OCA2: variants seen among roughly 807,000 people sequenced by gnomAD.
OCA2 encodes OCA2 melanosomal transmembrane protein.
Under a neutral mutation model 100.2 loss-of-function variants are expected in OCA2, and 77 were observed. That is an observed-to-expected ratio of 0.77 (90% CI 0.64 to 0.93). The LOEUF is 0.93. OCA2 is among the 40% of genes least tolerant of loss of function. The pLI is 0.00. For missense variants in OCA2, 1,062 were observed against 1,089.1 expected (o/e 0.98, Z 0.35); for synonymous variants, 432 against 439.2 (o/e 0.98, Z 0.21).
intron 11 of OCA2, among the ~76,000 whole-genome samples, chr15:27,988,895 G>A (rs895630440): frequency 6.6e-6 from 1 of 152,244 alleles, no homozygotes; most frequent in Non-Finnish European, 1.5e-5. Flanking sequence ...TGGGCCCTCC[G>A]TTATGTCAGC....
At chr15:27,898,194 A>G (rs974554688) in intron 19 of OCA2, among the ~76,000 whole-genome samples, 1 of 152,094 alleles carries the variant, frequency 6.6e-6, no homozygotes, top group African/African-American at 2.4e-5. Flanking sequence ...GACTTTGGGG[A>G]ACTGTTGAAG....
At chr15:28,007,405 C>T (rs1263414255) in intron 9 of OCA2, among the ~76,000 whole-genome samples, 1 of 152,236 alleles carries the variant, frequency 6.6e-6, no homozygotes, top group African/African-American at 2.4e-5. Context: ...ATTGCTCCAA[C>T]TGTGTTCTTT....
chr15:27,775,429 T>A, intron 23 of OCA2, among the ~76,000 whole-genome samples: 1 of 152,342 alleles, frequency 6.6e-6, no homozygotes, highest in Admixed American at 6.5e-5. Flanking sequence ...TTAAAATCTA[T>A]GAAAGCAGAT....
At chr15:28,029,470 G>A (rs2042851383) in intron 3 of OCA2, among the ~76,000 whole-genome samples, 1 of 151,956 alleles carries the variant, frequency 6.6e-6, no homozygotes. Flanking sequence ...TTGCCTTCTA[G>A]AGCAGTGCTG....
chr15:27,893,786 G>A (rs746507450), intron 19 of OCA2, among the ~76,000 whole-genome samples: 2 of 152,100 alleles, frequency 1.3e-5, no homozygotes, highest in East Asian at 1.9e-4. Context: ...AAGACAATAC[G>A]TGCACCGCTG....
At chr15:27,891,510 T>C (rs2037461124) in intron 19 of OCA2, among the ~76,000 whole-genome samples, 1 of 152,170 alleles carries the variant, frequency 6.6e-6, no homozygotes, top group African/African-American at 2.4e-5. Context: ...GTCCCTTATT[T>C]AAAGGGGCAT....
chr15:28,096,802 G>A (rs1299755272), intron 1 of OCA2, among the ~76,000 whole-genome samples: 1 of 152,232 alleles, frequency 6.6e-6, no homozygotes, highest in African/African-American at 2.4e-5. Context: ...GGCCTCGGGA[G>A]GCCGCGGGTG....
the OCA2 span, among the ~76,000 whole-genome samples, chr15:27,747,028 T>C: frequency 6.6e-6 from 1 of 152,178 alleles, no homozygotes. Context: ...CCAAAACTTA[T>C]CACTCCTAAA....
chr15:27,990,705 G>A (rs534596616), intron 9 of OCA2, 58 bp from the exon 10 acceptor site: 17 of 1,457,870 alleles, frequency 1.2e-5, no homozygotes, highest in East Asian at 1.1e-4. Context: ...TAGCACACAC[G>A]AAAGCCTGTG....
At chr15:28,040,967 A>G (rs1769921871) in intron 2 of OCA2, among the ~76,000 whole-genome samples, 1 of 152,160 alleles carries the variant, frequency 6.6e-6, no homozygotes, top group African/African-American at 2.4e-5. Context: ...AAGGAGGGCA[A>G]ACTCATTCTG....
chr15:28,053,162 G>A (rs556960703), intron 2 of OCA2, among the ~76,000 whole-genome samples: 4 of 152,334 alleles, frequency 2.6e-5, no homozygotes, highest in Admixed American at 6.5e-5. Flanking sequence ...AATCACCAAA[G>A]AGTTGGTTGG....
chr15:28,086,141 G>T (rs1426659207), intron 1 of OCA2, among the ~76,000 whole-genome samples: 1 of 152,214 alleles, frequency 6.6e-6, no homozygotes, highest in Non-Finnish European at 1.5e-5. Context: ...CTTAAGTGGG[G>T]ACCACCATGT....
chr15:27,827,790 A>AG (rs1166365344), intron 23 of OCA2, among the ~76,000 whole-genome samples: 8 of 152,222 alleles, frequency 5.3e-5, no homozygotes. Flanking sequence ...TGTTTTAATC[A>AG]GGAAGAAAGT....
At chr15:27,972,861 T>TTTGTGACAGAGTCTCTCTTTC (rs2040843228) in intron 14 of OCA2, among the ~76,000 whole-genome samples, 1 of 54,568 alleles carries the variant, frequency 1.8e-5, no homozygotes, top group African/African-American at 3.9e-5. Flanking sequence ...TTATTTTATT[T>TTTGTGACAGAGTCTCTCTTTC]TATTTTATTT....
chr15:27,860,152 G>A (rs1167832238), intron 21 of OCA2, among the ~76,000 whole-genome samples: 1 of 152,190 alleles, frequency 6.6e-6, no homozygotes, highest in African/African-American at 2.4e-5. Context: ...AGCAAAAAGG[G>A]AGACAGGGAG....
intron 16 of OCA2, 101 bp from the exon 17 acceptor site, chr15:27,955,316 G>A (rs943594131): frequency 2.3e-6 from 2 of 875,150 alleles, no homozygotes; most frequent in Non-Finnish European, 2.0e-6. Flanking sequence ...CGCGGTCTGT[G>A]ACTTGGAGCC....
chr15:27,902,132 G>A (rs2037962493), intron 19 of OCA2, among the ~76,000 whole-genome samples: 2 of 152,100 alleles, frequency 1.3e-5, no homozygotes, highest in South Asian at 4.1e-4. Context: ...CTACGGTGTG[G>A]AAAGCATGAG....
intron 2 of OCA2, among the ~76,000 whole-genome samples, chr15:28,049,070 T>C (rs959106003): frequency 1.8e-4 from 28 of 152,160 alleles, no homozygotes; most frequent in African/African-American, 6.8e-4. Flanking sequence ...AGAAATTGCT[T>C]GCAAATCATA....
intron 4 of OCA2, among the ~76,000 whole-genome samples, chr15:28,027,370 G>A (rs374708052): frequency 2.0e-5 from 3 of 152,116 alleles, no homozygotes; most frequent in Non-Finnish European, 2.9e-5. Context: ...CGTGTGCCCC[G>A]GACAAATGCT....
Sources: allele counts gnomAD v4.1 joint callset (sites outside exome capture counted in the v4.1 genomes callset), GRCh38; gene constraint gnomAD v4.1.1; transcripts MANE v1.5; gene names NCBI Gene and HGNC (gene_info 2026-07-23, HGNC 2026-07-21).